Variants in SLC16A2 observed in about 807,000 individuals in gnomAD.
SLC16A2 encodes solute carrier family 16 member 2.
Under a neutral mutation model 27.2 loss-of-function variants are expected in SLC16A2, and 3 were observed. The ratio of observed to expected loss-of-function variants is 0.11; its 90% confidence interval spans 0.05 to 0.28. The LOEUF is 0.28. SLC16A2 is among the 10% of genes least tolerant of loss of function. The probability of loss-of-function intolerance (pLI) is 1.00; values close to 1 mark genes in which losing one functional copy is unlikely to be tolerated. For synonymous variants in SLC16A2, 202 were observed against 187.8 expected (o/e 1.08, Z -0.62); for missense variants, 295 against 458.5 (o/e 0.64, Z 3.26).
chrX:74,529,286 T>C lies in SLC16A2; in HGVS notation c.1244T>C (p.Val415Ala). The C allele has an allele frequency of 8.3e-7, 1 of 1,211,634 alleles. No individual in the cohort carries two copies. Among genetic ancestry groups the C allele is most frequent in the Non-Finnish European group, 1.1e-6 (1 of 895,331 alleles). ...TGCCGGGACTTCGGGGGCCTTATCG[T>C]CGTCTGTCTTTTCCTGGGCCTTTGC... Reference protein sequence around the residue: ...PLCRDFGGLIVVCLFLGLCDG... With the variant: ...PLCRDFGGLIAVCLFLGLCDG... The change falls in exon 5 of 6, where the codon GTC becomes GCC. Residue 415 changes from valine to alanine, a missense_variant. This residue lies in a region of SLC16A2 where 144 missense variants were observed against 219.8 expected (regional missense o/e 0.66). Coordinates refer to ENST00000587091, the MANE Select transcript of SLC16A2 (RefSeq NM_006517.5).
intron 1 of SLC16A2, among the ~76,000 whole-genome samples, chrX:74,497,344 G>A (rs1408330183): frequency 9.0e-6 from 1 of 110,820 alleles, no homozygotes; most frequent in Non-Finnish European, 1.9e-5. Context: ...GCCTTAGGGA[G>A]CAATTGGTCT....
chrX:74,449,710 CCTT>C (rs1454742724), intron 1 of SLC16A2, among the ~76,000 whole-genome samples: 4 of 111,777 alleles, frequency 3.6e-5, no homozygotes, highest in Admixed American at 2.8e-4. Flanking sequence ...TGCATTGACT[CCTT>C]TAGCCACACA....
intron 1 of SLC16A2, among the ~76,000 whole-genome samples, chrX:74,480,060 G>T (rs976858177): frequency 7.1e-5 from 8 of 112,241 alleles, no homozygotes; most frequent in African/African-American, 2.6e-4. Flanking sequence ...CCTTTTGTTT[G>T]GCTATGCCCT....
intron 1 of SLC16A2, among the ~76,000 whole-genome samples, chrX:74,429,129 G>C (rs777307521): frequency 9.0e-6 from 1 of 110,701 alleles, no homozygotes; most frequent in South Asian, 3.9e-4. Context: ...GCTACAGTGA[G>C]CCATGATCAC....
intron 1 of SLC16A2, among the ~76,000 whole-genome samples, chrX:74,459,709 A>G (rs1392907710): frequency 9.0e-6 from 1 of 111,326 alleles, no homozygotes; most frequent in East Asian, 2.8e-4. Context: ...CCACTGTTGG[A>G]AGAAAACAAT....
chrX:74,463,282 G>A (rs1396931915), intron 1 of SLC16A2, among the ~76,000 whole-genome samples: 1 of 111,822 alleles, frequency 8.9e-6, no homozygotes, highest in Admixed American at 9.5e-5. Flanking sequence ...GGGTTCCATG[G>A]ATTTAGGAAG....
chrX:74,441,545 T>C (rs774035902), intron 1 of SLC16A2, among the ~76,000 whole-genome samples: 2 of 111,908 alleles, frequency 1.8e-5, no homozygotes, highest in South Asian at 7.5e-4. Context: ...AAGAGTAAGC[T>C]TGAGGTGTCT....
intron 3 of SLC16A2, 121 bp from the exon 4 acceptor site, chrX:74,525,629 A>C: frequency 1.3e-6 from 1 of 788,111 alleles, no homozygotes; most frequent in African/African-American, 2.0e-5. Flanking sequence ...GCTACAGGAG[A>C]GGGGGTTTCT....
intron 1 of SLC16A2, among the ~76,000 whole-genome samples, chrX:74,481,023 G>T (rs182809613): frequency 2.7e-5 from 3 of 112,434 alleles, no homozygotes; most frequent in Non-Finnish European, 3.8e-5. Context: ...TTGAGATAGC[G>T]TATTACATTG....
intron 1 of SLC16A2, among the ~76,000 whole-genome samples, chrX:74,433,848 T>G (rs1481064193): frequency 8.9e-6 from 1 of 112,399 alleles, no homozygotes; most frequent in Non-Finnish European, 1.9e-5. Flanking sequence ...TCAGATTACT[T>G]TCCACATGAC....
At chrX:74,422,892 C>A (rs1401206519) in intron 1 of SLC16A2, among the ~76,000 whole-genome samples, 1 of 112,892 alleles carries the variant, frequency 8.9e-6, no homozygotes, top group East Asian at 2.8e-4. Context: ...CCTTCCCCGG[C>A]AACCCGCGCC....
At chrX:74,529,637 C>T (rs1930537129) in intron 5 of SLC16A2, among the ~76,000 whole-genome samples, 196 bp downstream of exon 5, 1 of 110,537 alleles carries the variant, frequency 9.0e-6, no homozygotes, top group Non-Finnish European at 1.9e-5. Context: ...ATCCATTCTG[C>T]GGGATGGATT....
At chrX:74,527,878 C>T (rs1426459247) in intron 4 of SLC16A2, among the ~76,000 whole-genome samples, 1 of 111,543 alleles carries the variant, frequency 9.0e-6, no homozygotes, top group East Asian at 2.8e-4. Context: ...TGGTTTTATC[C>T]CATAGTTGTG....
At chrX:74,494,064 T>C (rs1929888405) in intron 1 of SLC16A2, among the ~76,000 whole-genome samples, 1 of 112,015 alleles carries the variant, frequency 8.9e-6, no homozygotes, top group African/African-American at 3.2e-5. Flanking sequence ...GCAACACAGA[T>C]GCTTCTCAAT....
Position 74,482,247 on chromosome X carries a change from G to A in SLC16A2, c.431-38743G>A, listed in dbSNP as rs940211497. ...AAGTTTCCCTTGGTTTTTGGCTTCT[G>A]ACATTTTGATGTGGTGTGTCTGAAG... On this transcript the variant is annotated intron_variant, in intron 1 of 5. Transcript: ENST00000587091. Among the ~76,000 whole-genome samples the A allele has an allele frequency of 4.5e-5, 5 of 111,838 alleles. No individual in the cohort carries two copies. In the Admixed American group the frequency reaches 4.7e-4, roughly 11 times the overall value.
chrX:74,477,033 G>A (rs891198922), intron 1 of SLC16A2: 1 of 112,059 alleles, frequency 8.9e-6, no homozygotes, highest in African/African-American at 3.2e-5. Context: ...CTATTGATTG[G>A]AATAGTTTCA....
chrX:74,453,865 AT>A (rs1184326342), intron 1 of SLC16A2, among the ~76,000 whole-genome samples: 1 of 111,337 alleles, frequency 9.0e-6, no homozygotes, highest in African/African-American at 3.3e-5. Flanking sequence ...GCTTTTAACT[AT>A]TTTTTTATTG....
At chrX:74,433,898 T>C (rs1928575678) in intron 1 of SLC16A2, among the ~76,000 whole-genome samples, 2 of 112,139 alleles carry the variant, frequency 1.8e-5, no homozygotes. Context: ...GAGTCTGAGT[T>C]TTCTCATACA....
At chrX:74,493,936 T>C (rs1444432357) in intron 1 of SLC16A2, among the ~76,000 whole-genome samples, 1 of 111,696 alleles carries the variant, frequency 9.0e-6, no homozygotes, top group Non-Finnish European at 1.9e-5. Context: ...GCCTTCCAGC[T>C]GTGAGCTTCT....
Sources: allele counts gnomAD v4.1 joint callset (sites outside exome capture counted in the v4.1 genomes callset), GRCh38; gene constraint gnomAD v4.1.1; regional missense constraint gnomAD v4.1.1; transcripts MANE v1.5; gene names NCBI Gene and HGNC (gene_info 2026-07-23, HGNC 2026-07-21).